Variants in HIBADH observed in about 807,000 individuals in gnomAD.
HIBADH encodes 3-hydroxyisobutyrate dehydrogenase, mitochondrial.
Under a neutral mutation model 36.1 loss-of-function variants are expected in HIBADH, and 25 were observed. That is an observed-to-expected ratio of 0.69 (90% CI 0.50 to 0.97). HIBADH has a LOEUF of 0.97. Among genes scored for constraint, HIBADH ranks in the 50% least tolerant of loss-of-function variants. The probability of loss-of-function intolerance (pLI) is 0.00; values close to 1 mark genes in which losing one functional copy is unlikely to be tolerated. For missense variants in HIBADH, 421 were observed against 418.0 expected (o/e 1.01, Z -0.06); for synonymous variants, 160 against 149.5 (o/e 1.07, Z -0.51).
intron 7 of HIBADH, among the ~76,000 whole-genome samples, chr7:27,530,953 CACAT>C (rs1205388963): frequency 1.3e-5 from 2 of 151,936 alleles, no homozygotes; most frequent in Admixed American, 1.3e-4. Context: ...CACACGCACA[CACAT>C]ACACACACAC....
intron 4 of HIBADH, among the ~76,000 whole-genome samples, chr7:27,562,376 C>T (rs1784480777): frequency 6.6e-6 from 1 of 152,102 alleles, no homozygotes; most frequent in East Asian, 1.9e-4. Flanking sequence ...TTCTTTAATT[C>T]CACAATTTAT....
intron 4 of HIBADH, among the ~76,000 whole-genome samples, chr7:27,577,690 C>T (rs1384255728): frequency 1.3e-5 from 2 of 151,986 alleles, no homozygotes; most frequent in African/African-American, 4.8e-5. Context: ...TCCCTTCATC[C>T]CCCCAAATCA....
chr7:27,617,994 T>C (rs1433052997), intron 4 of HIBADH, among the ~76,000 whole-genome samples: 1 of 152,198 alleles, frequency 6.6e-6, no homozygotes, highest in Non-Finnish European at 1.5e-5. Context: ...CAAAGGAAAC[T>C]GAAGCACACT....
At chr7:27,650,541 G>A (rs1583620674) in intron 1 of HIBADH, among the ~76,000 whole-genome samples, 2 of 149,202 alleles carry the variant, frequency 1.3e-5, no homozygotes, top group South Asian at 4.2e-4. Flanking sequence ...CACCCAGATT[G>A]GAGGGCAGTA....
chr7:27,565,026 C>G lies in HIBADH; in HGVS notation c.485-21926G>C, dbSNP rs1032340551. Among the ~76,000 whole-genome samples, 6 of 152,160 alleles carry G rather than the reference C, an allele frequency of 3.9e-5. No homozygotes were observed. In the South Asian group the frequency reaches 6.2e-4, roughly 16 times the overall value. ...ATCAATTCCTAGAGAGAGTAAAAGACTAACCTTTAAGCGTGCCTTTCATAT... is the reference window on the plus strand; with the variant it reads ...ATCAATTCCTAGAGAGAGTAAAAGAGTAACCTTTAAGCGTGCCTTTCATAT... On this transcript the variant is annotated intron_variant, in intron 4 of 7. Transcript: ENST00000265395.
chr7:27,638,308 CAAAAAA>C (rs368715218), intron 2 of HIBADH, among the ~76,000 whole-genome samples: 3 of 55,472 alleles, frequency 5.4e-5, no homozygotes, highest in Non-Finnish European at 6.5e-5. Context: ...TTGGCAAAGT[CAAAAAA>C]AAAAAAAAAA....
intron 4 of HIBADH, among the ~76,000 whole-genome samples, chr7:27,590,396 C>G (rs1784922619): frequency 6.6e-6 from 1 of 152,162 alleles, no homozygotes; most frequent in African/African-American, 2.4e-5. Flanking sequence ...TGTTCTGCTG[C>G]CCATCAGTCA....
At chr7:27,586,732 G>C (rs1166271627) in intron 4 of HIBADH, among the ~76,000 whole-genome samples, 1 of 152,016 alleles carries the variant, frequency 6.6e-6, no homozygotes, top group South Asian at 2.1e-4. Context: ...CTTGTGAGGC[G>C]TTAGCTTTGT....
chr7:27,624,581 G>T (rs559757423), intron 4 of HIBADH, among the ~76,000 whole-genome samples: 71 of 152,314 alleles, frequency 4.7e-4, no homozygotes, highest in Non-Finnish European at 5.7e-4. Context: ...GGTCTAGCTG[G>T]AATGTTCATC....
At chr7:27,595,579 G>GGT (rs3219776) in intron 4 of HIBADH, among the ~76,000 whole-genome samples, 8,686 of 143,336 alleles carry the variant, frequency 0.061, 236 homozygotes, top group Admixed American at 0.067. Flanking sequence ...CATAAGGGCA[G>GGT]GTGTGTGTGT....
intron 4 of HIBADH, among the ~76,000 whole-genome samples, chr7:27,625,848 T>G (rs1018136241): frequency 1.3e-5 from 2 of 152,096 alleles, no homozygotes; most frequent in Non-Finnish European, 2.9e-5. Flanking sequence ...ACGCCTGTAT[T>G]CCCAGCACTT....
rs77630863 is a variant in HIBADH at position 27,597,376 on chromosome 7, G to A, written c.484+31995C>T. ...GAAAATAGAAACCACACAGAAAGAG[G>A]GAAGGCCAGGGGAAAACGATGATTA... is the stretch of plus-strand genomic sequence containing the variant. On this transcript the variant is annotated intron_variant, in intron 4 of 7. Transcript: ENST00000265395. Among the ~76,000 whole-genome samples the A allele has an allele frequency of 8.9e-3, 1,356 of 152,138 alleles. 20 individuals are homozygous for A. Among genetic ancestry groups the A allele is most frequent in the African/African-American group, 0.031 (1,289 of 41,494 alleles).
chr7:27,549,147 A>G (rs561370107), intron 4 of HIBADH, among the ~76,000 whole-genome samples: 165 of 151,830 alleles, frequency 1.1e-3, no homozygotes, highest in African/African-American at 3.9e-3. Flanking sequence ...AGCAAAAAAA[A>G]TAGAGAGCTT....
chr7:27,659,134 G>A (rs1786365476), intron 1 of HIBADH, among the ~76,000 whole-genome samples: 2 of 152,098 alleles, frequency 1.3e-5, no homozygotes, highest in South Asian at 4.1e-4. Context: ...TTGTATTCCT[G>A]TTTCTATACA....
At chr7:27,623,894 C>T (rs1785590533) in intron 4 of HIBADH, among the ~76,000 whole-genome samples, 2 of 152,146 alleles carry the variant, frequency 1.3e-5, no homozygotes, top group Admixed American at 6.5e-5. Flanking sequence ...ACCTCCCGAG[C>T]TCAAGTGATT....
intron 4 of HIBADH, among the ~76,000 whole-genome samples, chr7:27,626,634 G>A (rs1040883888): frequency 3.3e-5 from 5 of 152,044 alleles, no homozygotes; most frequent in African/African-American, 4.8e-5. Flanking sequence ...AGGGGGAAAC[G>A]CTTGACTGAA....
chr7:27,539,169 C>T (rs920966016), intron 5 of HIBADH, among the ~76,000 whole-genome samples: 1 of 152,014 alleles, frequency 6.6e-6, no homozygotes, highest in East Asian at 1.9e-4. Flanking sequence ...ATGATACAAG[C>T]ATCTTGATGG....
intron 4 of HIBADH, among the ~76,000 whole-genome samples, chr7:27,576,822 G>A (rs957825134): frequency 1.3e-5 from 2 of 151,854 alleles, no homozygotes; most frequent in Non-Finnish European, 2.9e-5. Flanking sequence ...GGGTGTTTGG[G>A]GTATTTTATT....
chr7:27,599,103 C>T (rs923393041), intron 4 of HIBADH, among the ~76,000 whole-genome samples: 25 of 151,926 alleles, frequency 1.6e-4, no homozygotes, highest in Admixed American at 1.6e-3. Context: ...TAGTTCGTTA[C>T]GGAAAGGGAA....
Sources: allele counts gnomAD v4.1 joint callset (sites outside exome capture counted in the v4.1 genomes callset), GRCh38; gene constraint gnomAD v4.1.1; transcripts MANE v1.5; gene names NCBI Gene and HGNC (gene_info 2026-07-23, HGNC 2026-07-21).